CACNA2D3: variants seen among roughly 807,000 people sequenced by gnomAD.
The protein encoded by CACNA2D3 is calcium voltage-gated channel auxiliary subunit alpha2delta 3.
CACNA2D3 carries 60 observed loss-of-function variants against 160.6 expected under a neutral mutation model. The observed-to-expected ratio is 0.37, with a 90% CI of 0.30 to 0.46. The LOEUF (loss-of-function observed/expected upper bound fraction) is 0.46, where lower values mean the gene tolerates loss of function less well. Ranked by LOEUF, CACNA2D3 falls within the 20% of genes least tolerant of loss-of-function variation. The pLI, the probability that CACNA2D3 is intolerant of heterozygous loss-of-function variation, is 1.00. For missense variants in CACNA2D3, 1,205 were observed against 1,365.0 expected, an observed-to-expected ratio of 0.88 and a Z score of 1.85; for synonymous variants, 558 against 492.9, an observed-to-expected ratio of 1.13 and a Z score of -1.75.
At chr3:54,454,615 A>G (rs1575463859) in intron 4 of CACNA2D3, among the ~76,000 whole-genome samples, 2 of 152,202 alleles carry the variant, frequency 1.3e-5, no homozygotes, top group African/African-American at 4.8e-5. Flanking sequence ...AATGTTCAAA[A>G]TCCTCTCTTC....
At chr3:54,700,483 C>CT (rs1477768559) in intron 11 of CACNA2D3, among the ~76,000 whole-genome samples, 1 of 152,188 alleles carries the variant, frequency 6.6e-6, no homozygotes, top group Non-Finnish European at 1.5e-5. Context: ...ATCCCATTAG[C>CT]TGGTGACAAC....
rs56788185 is a variant in CACNA2D3, at chr3:54,618,375, G to GCACACACACACACA, written c.964-9387_964-9374dup. 7.3e-3 allele frequency among the ~76,000 whole-genome samples: 843 copies of GCACACACACACACA among 115,498 alleles called. 25 individuals carry two copies. The highest frequency in any genetic ancestry group is 0.024 in the African/African-American group (707 of 29,382). 75.8% of individuals were successfully genotyped at this position (115,498 alleles called of 152,430 possible). A position where few individuals can be genotyped will look rare whatever the true frequency, so the allele number is the denominator to read the frequency against. Reference sequence around the variant, plus strand: ...TACATATATATATATATATATATATGCACACACACACACACACACACACAC... The same window carrying GCACACACACACACA: ...TACATATATATATATATATATATATGCACACACACACACACACACACACACACACACACACACAC... On this transcript the variant is annotated intron_variant, in intron 9 of 37. Coordinates refer to ENST00000474759, the MANE Select transcript of CACNA2D3 (RefSeq NM_018398.3).
At chr3:55,014,731 C>CCAACAG (rs1703291636) in intron 34 of CACNA2D3, among the ~76,000 whole-genome samples, 1 of 152,178 alleles carries the variant, frequency 6.6e-6, no homozygotes, top group African/African-American at 2.4e-5. Context: ...GACTCTGTCT[C>CCAACAG]CAACAGCAAC....
At chr3:54,349,147 G>A (rs141022376) in intron 3 of CACNA2D3, among the ~76,000 whole-genome samples, 2 of 152,146 alleles carry the variant, frequency 1.3e-5, no homozygotes, top group Non-Finnish European at 2.9e-5. Flanking sequence ...GGCATTTTGG[G>A]GACGGGGTGC....
At chr3:54,740,792 A>G (rs941544023) in intron 11 of CACNA2D3, among the ~76,000 whole-genome samples, 2 of 152,186 alleles carry the variant, frequency 1.3e-5, no homozygotes, top group African/African-American at 4.8e-5. Flanking sequence ...TGGGTTGGGA[A>G]AATAGAAATG....
Position 54,871,542 on chromosome 3 carries a change from G to A in CACNA2D3, c.1630G>A (p.Glu544Lys), listed in dbSNP as rs758120700. The change falls in exon 18 of 38, where the codon GAA becomes AAA. Residue 544 changes from glutamate (E) to lysine (K), a missense_variant. Physicochemically the swap from Glu to Lys is moderately conservative, Grantham distance 56. Coordinates refer to ENST00000474759, the MANE Select transcript of CACNA2D3 (RefSeq NM_018398.3). ...LTHPELRLLYEEGKKRRKPNY... is the reference protein window; with the variant it reads ...LTHPELRLLYKEGKKRRKPNY... Reference sequence around the variant, plus strand: ...TTTTTCTTCTTCCCCTTGCTAGTACGAAGAAGGAAAAAAGCGAAGGAAACC... The same window carrying A: ...TTTTTCTTCTTCCCCTTGCTAGTACAAAGAAGGAAAAAAGCGAAGGAAACC... The A allele has an allele frequency of 1.9e-5, 30 of 1,611,880 alleles. No homozygotes were observed. Among genetic ancestry groups the A allele is most frequent in the East Asian group, 4.5e-5 (2 of 44,870 alleles).
At chr3:54,534,496 T>C (rs1701856733) in intron 5 of CACNA2D3, among the ~76,000 whole-genome samples, 1 of 152,154 alleles carries the variant, frequency 6.6e-6, no homozygotes, top group East Asian at 1.9e-4. Context: ...TCCCACGCGA[T>C]GCTCCATCTG....
chr3:54,476,789 T>G (rs1280809820), intron 4 of CACNA2D3, among the ~76,000 whole-genome samples: 12 of 152,244 alleles, frequency 7.9e-5, no homozygotes. Context: ...TATGAGTTTC[T>G]TATCTATCTT....
In CACNA2D3 at chr3:54,366,449, T is replaced by C. The variant is rs568385901; in HGVS notation, c.322-20266T>C. On this transcript the variant is annotated intron_variant, in intron 3 of 37. Coordinates refer to ENST00000474759, the MANE Select transcript of CACNA2D3 (RefSeq NM_018398.3). ...AATTAATATCCCCAGGGCTAGAAAA[T>C]AGTTTGCTCTGAAACTTGGAAAGCA... Among the ~76,000 whole-genome samples the C allele has an allele frequency of 2.6e-5, 4 of 152,306 alleles. No individual in the cohort carries two copies. The South Asian group carries it at 6.2e-4, about 24-fold the overall frequency.
chr3:54,139,179 G>A (rs1432707068), intron 2 of CACNA2D3, among the ~76,000 whole-genome samples: 4 of 152,222 alleles, frequency 2.6e-5, no homozygotes, highest in Admixed American at 2.0e-4. Flanking sequence ...TTCCTGGTGC[G>A]TTCCACCATG....
intron 3 of CACNA2D3, among the ~76,000 whole-genome samples, chr3:54,373,687 G>A (rs983257839): frequency 6.6e-6 from 1 of 152,272 alleles, no homozygotes; most frequent in East Asian, 1.9e-4. Context: ...GAAGGTTTAA[G>A]TTTAAGCCTC....
chr3:54,283,979 T>C (rs955839344), intron 2 of CACNA2D3, among the ~76,000 whole-genome samples: 2 of 152,134 alleles, frequency 1.3e-5, no homozygotes, highest in African/African-American at 4.8e-5. Flanking sequence ...CGGGAATTGC[T>C]TGAACACAGG....
chr3:54,453,261 G>C (rs180897741), intron 4 of CACNA2D3, among the ~76,000 whole-genome samples: 106 of 152,246 alleles, frequency 7.0e-4, no homozygotes, highest in African/African-American at 2.5e-3. Flanking sequence ...CTGAAGTGCT[G>C]GGATTACAGG....
At chr3:54,665,356 A>T (rs1700044512) in intron 11 of CACNA2D3, among the ~76,000 whole-genome samples, 1 of 152,234 alleles carries the variant, frequency 6.6e-6, no homozygotes, top group South Asian at 2.1e-4. Flanking sequence ...AATGAAATGC[A>T]TTCATCTCTC....
At chr3:54,269,944 AATC>A (rs1702588637) in intron 2 of CACNA2D3, among the ~76,000 whole-genome samples, 1 of 152,222 alleles carries the variant, frequency 6.6e-6, no homozygotes, top group Non-Finnish European at 1.5e-5. Context: ...ATTTAGTAGT[AATC>A]ATAATAATAT....
chr3:54,857,851 A>G (rs1277270480), intron 17 of CACNA2D3, among the ~76,000 whole-genome samples: 2 of 152,158 alleles, frequency 1.3e-5, no homozygotes, highest in East Asian at 3.9e-4. Context: ...GCCCCTGAGC[A>G]TGTATTCCTA....
intron 18 of CACNA2D3, among the ~76,000 whole-genome samples, chr3:54,872,933 C>T (rs1421288707): frequency 6.6e-6 from 1 of 152,040 alleles, no homozygotes; most frequent in Non-Finnish European, 1.5e-5. Context: ...TTAGGACTGT[C>T]CTGCACCTAA....
chr3:54,543,273 A>G (rs532675889), intron 5 of CACNA2D3, among the ~76,000 whole-genome samples: 1 of 152,220 alleles, frequency 6.6e-6, no homozygotes, highest in Admixed American at 6.5e-5. Flanking sequence ...GGTTGTAATA[A>G]TCCCATCTTA....
chr3:54,470,345 A>G (rs1051123109), intron 4 of CACNA2D3, among the ~76,000 whole-genome samples: 6 of 152,216 alleles, frequency 3.9e-5, no homozygotes, highest in Non-Finnish European at 5.9e-5. Context: ...TTCATAAGTG[A>G]AGGAGAAATA....
Sources: allele counts gnomAD v4.1 joint callset (sites outside exome capture counted in the v4.1 genomes callset), GRCh38; gene constraint gnomAD v4.1.1; transcripts MANE v1.5; gene names NCBI Gene and HGNC (gene_info 2026-07-23, HGNC 2026-07-21).